DLGAP2: variants seen among roughly 807,000 people sequenced by gnomAD.
The protein encoded by DLGAP2 is DLG associated protein 2.
In DLGAP2, 26 loss-of-function variants were observed where a neutral mutation model predicts 100.3. The ratio of observed to expected loss-of-function variants is 0.26; its 90% CI spans 0.19 to 0.36. The LOEUF (loss-of-function observed/expected upper bound fraction) is 0.36, where lower values mean the gene tolerates loss of function less well. DLGAP2 is among the 10% of genes least tolerant of loss of function. DLGAP2 has a pLI of 1.00. For missense variants in DLGAP2, 1,858 were observed against 1,453.2 expected, an observed-to-expected ratio of 1.28 and a Z score of -4.53; for synonymous variants, 886 against 630.1, an observed-to-expected ratio of 1.41 and a Z score of -6.08.
At chr8:1,382,429 T>C (rs2129771300) in intron 3 of DLGAP2, among the ~76,000 whole-genome samples, 1 of 152,242 alleles carries the variant, frequency 6.6e-6, no homozygotes, top group South Asian at 2.1e-4. Flanking sequence ...TGTGCGTGAA[T>C]ATATGTGCAG....
chr8:1,607,650 T>C (rs1214897024), intron 6 of DLGAP2, among the ~76,000 whole-genome samples: 1 of 151,986 alleles, frequency 6.6e-6, no homozygotes, highest in Non-Finnish European at 1.5e-5. Flanking sequence ...CACTAGGGAG[T>C]GCCAGACAGT....
intron 2 of DLGAP2, among the ~76,000 whole-genome samples, chr8:967,992 C>T (rs955525944): frequency 6.6e-6 from 1 of 150,488 alleles, no homozygotes; most frequent in South Asian, 2.1e-4. Context: ...TAGCTTCTCT[C>T]CTGATACACA....
intron 3 of DLGAP2, among the ~76,000 whole-genome samples, chr8:1,366,496 T>A (rs1381949311): frequency 6.6e-6 from 1 of 152,188 alleles, no homozygotes; most frequent in Non-Finnish European, 1.5e-5. Flanking sequence ...TTCCTGGAGT[T>A]GGTCTTCCTG....
intron 8 of DLGAP2, among the ~76,000 whole-genome samples, chr8:1,644,638 T>A (rs191376166): frequency 3.9e-4 from 59 of 152,342 alleles, no homozygotes; most frequent in Non-Finnish European, 6.6e-4. Flanking sequence ...CATAGCACAT[T>A]TACTGAAACA....
chr8:1,564,260 T>C (rs1490013898), intron 5 of DLGAP2, among the ~76,000 whole-genome samples: 3 of 152,182 alleles, frequency 2.0e-5, no homozygotes, highest in African/African-American at 7.2e-5. Context: ...AGGGAGCAGC[T>C]CCCGCAATGG....
intron 2 of DLGAP2, among the ~76,000 whole-genome samples, chr8:1,188,576 C>T (rs937912952): frequency 1.3e-5 from 2 of 152,056 alleles, no homozygotes; most frequent in Admixed American, 6.5e-5. Flanking sequence ...ATGTTTCCCT[C>T]ACGGAATCTC....
intron 3 of DLGAP2, among the ~76,000 whole-genome samples, chr8:1,285,922 C>A (rs1799912329): frequency 6.6e-6 from 1 of 152,198 alleles, no homozygotes; most frequent in Admixed American, 6.5e-5. Context: ...TGCACCACTG[C>A]CGTCTAGTCT....
chr8:1,507,377 C>T (rs1356304536), intron 4 of DLGAP2, among the ~76,000 whole-genome samples: 2 of 152,224 alleles, frequency 1.3e-5, no homozygotes, highest in African/African-American at 4.8e-5. Flanking sequence ...CCCAGCACAT[C>T]CTCCGCAGCT....
chr8:909,820 CT>C (rs1258388949), intron 2 of DLGAP2, among the ~76,000 whole-genome samples: 1 of 152,138 alleles, frequency 6.6e-6, no homozygotes, highest in East Asian at 1.9e-4. Context: ...AGAATTCTAG[CT>C]TTTAGCAAAT....
At chr8:1,168,794 T>C (rs1418912779) in intron 2 of DLGAP2, among the ~76,000 whole-genome samples, 1 of 129,056 alleles carries the variant, frequency 7.7e-6, no homozygotes, top group Non-Finnish European at 1.6e-5. Flanking sequence ...CTTTGTCAGA[T>C]GAGTAGGTTG....
At chr8:853,279 G>C (rs1400514041) in intron 1 of DLGAP2, among the ~76,000 whole-genome samples, 1 of 152,210 alleles carries the variant, frequency 6.6e-6, no homozygotes, top group Non-Finnish European at 1.5e-5. Context: ...CGAGATGGAA[G>C]CTTCCAGAGC....
intron 3 of DLGAP2, among the ~76,000 whole-genome samples, chr8:1,288,010 G>C (rs1206105073): frequency 8.5e-6 from 1 of 117,100 alleles, no homozygotes; most frequent in Non-Finnish European, 1.7e-5. Context: ...GTGTGGTTCT[G>C]TTAGGGGGAC....
At position 1,037,664 on chromosome 8, in the gene DLGAP2, C is replaced by G. The variant is rs903710101; in HGVS notation, c.73+129698C>G. ...AGTGTTTAGTGAGCAGTGGCTCTGC[C>G]CTTGCTGGGTTCTTGTCCTTATCGG... On this transcript the variant is annotated intron_variant, in intron 2 of 14. Transcript: ENST00000637795. Among the ~76,000 whole-genome samples, 4 of 152,302 alleles carry G rather than the reference C, an allele frequency of 2.6e-5. No homozygotes were observed. In the East Asian group the frequency reaches 7.7e-4, roughly 29 times the overall value.
chr8:1,243,979 T>C (rs1460545241), intron 2 of DLGAP2, among the ~76,000 whole-genome samples: 4 of 152,066 alleles, frequency 2.6e-5, no homozygotes, highest in Admixed American at 2.0e-4. Flanking sequence ...CACTCCACCA[T>C]AGGGATGGTG....
intron 6 of DLGAP2, among the ~76,000 whole-genome samples, chr8:1,604,368 G>A (rs1461472477): frequency 1.3e-5 from 2 of 152,096 alleles, no homozygotes; most frequent in South Asian, 2.1e-4. Flanking sequence ...CCTCAGTGGG[G>A]CATCCTATCC....
At chr8:1,505,228 T>TA (rs2130341442) in intron 4 of DLGAP2, among the ~76,000 whole-genome samples, 1 of 152,296 alleles carries the variant, frequency 6.6e-6, no homozygotes, top group African/African-American at 2.4e-5. Context: ...TGGGTCAAAT[T>TA]AAAATTAAAA....
chr8:740,435 A>G (rs945755143), intron 1 of DLGAP2: 4 of 152,208 alleles, frequency 2.6e-5, no homozygotes, highest in African/African-American at 7.2e-5. Flanking sequence ...TTAGTTTTGT[A>G]GAATTCAGAT....
chr8:926,260 A>G (rs1798813454), intron 2 of DLGAP2, among the ~76,000 whole-genome samples: 1 of 152,008 alleles, frequency 6.6e-6, no homozygotes, highest in South Asian at 2.1e-4. Flanking sequence ...GAGCCCTGGG[A>G]CCATTCAGCC....
At chr8:1,651,348 G>A (rs565803679) in intron 8 of DLGAP2, among the ~76,000 whole-genome samples, 5 of 152,146 alleles carry the variant, frequency 3.3e-5, no homozygotes, top group Non-Finnish European at 5.9e-5. Context: ...CCATGGTCAC[G>A]TCCACTTGGA....
Sources: gnomAD v4.1 joint callset for allele counts (sites outside exome capture counted in the v4.1 genomes callset) on GRCh38, gnomAD v4.1.1 for gene constraint, MANE v1.5 for transcripts, NCBI Gene and HGNC (gene_info 2026-07-23, HGNC 2026-07-21) for gene names.